The following PTGR2 variants were observed in gnomAD, a reference collection of about 807,000 sequenced individuals.
PTGR2 encodes 15-oxoprostaglandin 13-reductase.
PTGR2 carries 32 observed loss-of-function variants against 43.4 expected under a neutral mutation model. That is an observed-to-expected ratio of 0.74 (90% CI 0.56 to 0.99). The LOEUF (loss-of-function observed/expected upper bound fraction) is 0.99, where lower values mean the gene tolerates loss of function less well. PTGR2 is among the 50% of genes least tolerant of loss of function. PTGR2 has a pLI of 0.00. For synonymous variants in PTGR2, 106 were observed against 139.2 expected (o/e 0.76, Z 1.68); for missense variants, 373 against 420.0 (o/e 0.89, Z 0.98).
intron 3 of PTGR2, among the ~76,000 whole-genome samples, chr14:73,868,642 C>T (rs146416650): frequency 6.6e-6 from 1 of 152,214 alleles, no homozygotes; most frequent in East Asian, 1.9e-4. Context: ...CTTAAATCAC[C>T]TCAGGGCCAG....
chr14:73,868,961 CT>C (rs1005115945), intron 3 of PTGR2, among the ~76,000 whole-genome samples: 1 of 152,052 alleles, frequency 6.6e-6, no homozygotes, highest in African/African-American at 2.4e-5. Flanking sequence ...TTTACCATAC[CT>C]GGTTAAAACA....
Position 73,877,378 on chromosome 14 carries a change from C to T in PTGR2, c.519+210C>T, listed in dbSNP as rs149721275. The stretch of plus-strand genomic sequence containing the variant: ...CTCCTGGGTTCAAGAGATTCTCATG[C>T]CTTAGCCTCTAGAGTAGCTGGGACT... On this transcript the variant is annotated intron_variant, in intron 5 of 9. Transcript: ENST00000555661. 1,558 of 417,076 alleles carry T rather than the reference C, an allele frequency of 3.7e-3. 19 individuals carry two copies. The highest frequency in any genetic ancestry group is 0.029 in the African/African-American group (1,453 of 49,856). The allele number at this position is 417,076 out of a possible 1,614,324, so 25.8% of individuals were successfully genotyped here.
chr14:73,860,863 C>T (rs2140239673), intron 3 of PTGR2, among the ~76,000 whole-genome samples: 1 of 152,156 alleles, frequency 6.6e-6, no homozygotes, highest in African/African-American at 2.4e-5. Context: ...AATAGTAGTA[C>T]ATGTATGTGA....
chr14:73,884,330 A>T lies in PTGR2; in HGVS notation c.*153A>T, dbSNP rs1437500610. The T allele has an allele frequency of 2.0e-5, 11 of 547,024 alleles. No homozygotes were observed. In the East Asian group the frequency reaches 3.3e-4, roughly 16 times the overall value. The allele number at this position is 547,024 out of a possible 1,614,324, so 33.9% of individuals were successfully genotyped here. On this transcript the variant is annotated 3_prime_UTR_variant, in exon 10 of 10. Transcript: ENST00000555661. Reference sequence around the variant, plus strand: ...GTTGCATAGGGTATTTGATACAATCATTAATGGATCATACACAATAGGTTT... The same window carrying T: ...GTTGCATAGGGTATTTGATACAATCTTTAATGGATCATACACAATAGGTTT...
chr14:73,879,897 CTAGT>C (rs1211563739), intron 6 of PTGR2, 154 bp from the exon 7 acceptor site: 2 of 592,616 alleles, frequency 3.4e-6, no homozygotes, highest in Non-Finnish European at 5.9e-6. Context: ...TTATTTCTAG[CTAGT>C]TAAAATTCTT....
intron 3 of PTGR2, among the ~76,000 whole-genome samples, chr14:73,871,589 T>C (rs530535509): frequency 6.6e-5 from 10 of 151,962 alleles, no homozygotes; most frequent in Non-Finnish European, 1.0e-4. Context: ...ACCTAGGGCT[T>C]GAGATTGGCA....
chr14:73,874,507 G>A (rs1476895795), intron 4 of PTGR2: 2 of 494,306 alleles, frequency 4.0e-6, no homozygotes, highest in South Asian at 3.1e-5. Flanking sequence ...CCTCACAGAA[G>A]AATAGGAGAC....
intron 3 of PTGR2, among the ~76,000 whole-genome samples, chr14:73,870,647 T>C (rs2054706917): frequency 6.6e-6 from 1 of 152,126 alleles, no homozygotes; most frequent in Admixed American, 6.5e-5. Flanking sequence ...TTTTTATTCT[T>C]TTTAAAATTT....
At chr14:73,865,909 A>G (rs942660176) in intron 3 of PTGR2, among the ~76,000 whole-genome samples, 2 of 152,006 alleles carry the variant, frequency 1.3e-5, no homozygotes, top group Non-Finnish European at 2.9e-5. Flanking sequence ...TATTCTAGCA[A>G]TCTGTATATC....
At chr14:73,867,109 C>CA (rs1327274286) in intron 3 of PTGR2, among the ~76,000 whole-genome samples, 85 of 117,912 alleles carry the variant, frequency 7.2e-4, no homozygotes, top group Admixed American at 2.3e-3. Flanking sequence ...AAAAAAAAAA[C>CA]AAAAAAACAA....
chr14:73,867,531 A>C (rs965918563), intron 3 of PTGR2, among the ~76,000 whole-genome samples: 3 of 152,134 alleles, frequency 2.0e-5, no homozygotes, highest in Non-Finnish European at 4.4e-5. Flanking sequence ...GGGAGGAAAA[A>C]TGATGGAACA....
At chr14:73,864,513 G>A (rs1458597053) in intron 3 of PTGR2, among the ~76,000 whole-genome samples, 1 of 152,066 alleles carries the variant, frequency 6.6e-6, no homozygotes, top group Non-Finnish European at 1.5e-5. Flanking sequence ...ATCTCCTTGT[G>A]GTTTTCTTTT....
At chr14:73,874,625 C>G (rs569214986) in intron 4 of PTGR2, 22 of 455,780 alleles carry the variant, frequency 4.8e-5, no homozygotes, top group Non-Finnish European at 8.8e-5. Flanking sequence ...TCTCAAACTC[C>G]TAGGCTCAAG....
intron 3 of PTGR2, among the ~76,000 whole-genome samples, chr14:73,868,299 A>T (rs1595359271): frequency 6.6e-6 from 1 of 151,950 alleles, no homozygotes; most frequent in Non-Finnish European, 1.5e-5. Context: ...AAAAAAAAAA[A>T]GAAGCTACAT....
chr14:73,859,678 T>C (rs1471667364), intron 2 of PTGR2, among the ~76,000 whole-genome samples: 1 of 151,932 alleles, frequency 6.6e-6, no homozygotes, highest in Non-Finnish European at 1.5e-5. Context: ...TTTCAGACTT[T>C]ATTATTATTA....
intron 1 of PTGR2, among the ~76,000 whole-genome samples, chr14:73,855,599 C>T (rs1342854492): frequency 1.3e-5 from 2 of 151,754 alleles, no homozygotes; most frequent in Admixed American, 6.6e-5. Flanking sequence ...GCGTGCACCA[C>T]CATGCCTGGC....
chr14:73,878,797 T>C (rs556550435), intron 5 of PTGR2: 47 of 367,996 alleles, frequency 1.3e-4, no homozygotes, highest in African/African-American at 9.4e-4. Context: ...AGGTTAGGTA[T>C]ATTAAATGCA....
chr14:73,857,665 T>TTTG (rs2054385465), intron 1 of PTGR2, among the ~76,000 whole-genome samples: 1 of 42,324 alleles, frequency 2.4e-5, no homozygotes, highest in African/African-American at 8.3e-5. Context: ...GCAGTTAGTG[T>TTTG]TTTTTTTTTT....
chr14:73,875,624 G>A (rs550084835), intron 4 of PTGR2, among the ~76,000 whole-genome samples: 5 of 152,220 alleles, frequency 3.3e-5, no homozygotes, highest in East Asian at 1.9e-4. Flanking sequence ...GATTACAGGC[G>A]TGAGCCACTG....
Sources: gnomAD v4.1 joint callset for allele counts (sites outside exome capture counted in the v4.1 genomes callset) on GRCh38, gnomAD v4.1.1 for gene constraint, MANE v1.5 for transcripts, NCBI Gene and HGNC (gene_info 2026-07-23, HGNC 2026-07-21) for gene names.